The following SH3RF2 variants were observed in gnomAD, a reference collection of about 807,000 sequenced individuals.
SH3RF2 encodes SH3 domain containing ring finger 2, also known as E3 ubiquitin-protein ligase SH3RF2.
Under a neutral mutation model 59.0 loss-of-function variants are expected in SH3RF2, and 43 were observed. That is an observed-to-expected ratio of 0.73 (90% CI 0.57 to 0.94). The LOEUF (loss-of-function observed/expected upper bound fraction) is 0.94, where lower values mean the gene tolerates loss of function less well. SH3RF2 is among the 40% of genes least tolerant of loss of function. SH3RF2 has a pLI of 0.00. For synonymous variants in SH3RF2, 391 were observed against 391.5 expected (o/e 1.00, Z 0.01); for missense variants, 930 against 940.1 (o/e 0.99, Z 0.14).
intron 4 of SH3RF2, among the ~76,000 whole-genome samples, chr5:146,005,591 ATCT>A (rs1308237482): frequency 5.9e-4 from 90 of 152,264 alleles, no homozygotes; most frequent in African/African-American, 2.1e-3. Context: ...AGAGAGGCTG[ATCT>A]TCTTATTGTC....
intron 5 of SH3RF2, among the ~76,000 whole-genome samples, chr5:146,028,563 T>G (rs1402640815): frequency 6.6e-6 from 1 of 151,706 alleles, no homozygotes; most frequent in Admixed American, 6.6e-5. Context: ...TTTAGCGGCA[T>G]CCCCGGCCCC....
chr5:145,948,248 T>A (rs1324151931), intron 2 of SH3RF2, among the ~76,000 whole-genome samples: 1 of 152,214 alleles, frequency 6.6e-6, no homozygotes, highest in African/African-American at 2.4e-5. Context: ...TGATTACACA[T>A]CAAAATTTAT....
intron 5 of SH3RF2, among the ~76,000 whole-genome samples, chr5:146,046,111 T>C (rs1392074274): frequency 6.6e-6 from 1 of 152,232 alleles, no homozygotes; most frequent in East Asian, 1.9e-4. Context: ...AATTACGTGG[T>C]GGGCATACTC....
chr5:146,025,381 G>A (rs1052234126), intron 5 of SH3RF2, among the ~76,000 whole-genome samples: 4 of 152,184 alleles, frequency 2.6e-5, no homozygotes, highest in African/African-American at 7.2e-5. Context: ...TGCCACTGCC[G>A]TAGGCTGGCC....
chr5:146,056,189 A>G lies in SH3RF2; in HGVS notation c.1531A>G (p.Lys511Glu), dbSNP rs1762662751. ...GACTTTAGGACAAGGGTCTCTTCGG[A>G]AAGGGCGGAGCAGCATGAGAAAGAG... is the stretch of plus-strand genomic sequence containing the variant. ...PGTLGQGSLRKGRSSMRKNGS... is the reference protein window; with the variant it reads ...PGTLGQGSLREGRSSMRKNGS... Residue 511 changes from lysine to glutamate, a missense_variant, in exon 8 of 10, where the codon AAA (lysine) becomes GAA (glutamate). Coordinates refer to ENST00000359120, the MANE Select transcript of SH3RF2 (RefSeq NM_152550.4). 6.2e-7 allele frequency: 1 copy of G among 1,614,072 alleles called. No individual in the cohort carries two copies. The highest frequency in any genetic ancestry group is 8.5e-7 in the Non-Finnish European group (1 of 1,180,042).
intron 2 of SH3RF2, among the ~76,000 whole-genome samples, chr5:145,947,525 C>T (rs550811850): frequency 6.6e-6 from 1 of 152,278 alleles, no homozygotes; most frequent in Non-Finnish European, 1.5e-5. Flanking sequence ...TAGCTATCTC[C>T]TTGTACTCCT....
chr5:145,938,325 G>A lies in SH3RF2; in HGVS notation c.378+19G>A, dbSNP rs912543185. 1 of 1,510,882 alleles carries A rather than the reference G, an allele frequency of 6.6e-7. No individual in the cohort carries two copies. The highest frequency in any genetic ancestry group is 1.4e-5 in the African/African-American group (1 of 72,028). 93.6% of individuals were successfully genotyped at this position (1,510,882 alleles called of 1,614,324 possible). A position where few individuals can be genotyped will look rare whatever the true frequency, so the allele number is the denominator to read the frequency against. ...GGATGGGGTAAGAGAGATCTTATTT[G>A]CTAATATCATGTCCACATAGAGGTT... On this transcript the variant is annotated intron_variant, in intron 2 of 9. Coordinates refer to ENST00000359120, the MANE Select transcript of SH3RF2 (RefSeq NM_152550.4).
chr5:145,981,827 G>A (rs1336377146), intron 2 of SH3RF2, among the ~76,000 whole-genome samples: 4 of 152,196 alleles, frequency 2.6e-5, no homozygotes, highest in Non-Finnish European at 5.9e-5. Flanking sequence ...GTATTGGACA[G>A]CATAGAATAG....
chr5:145,950,797 T>C (rs969863296), intron 2 of SH3RF2, among the ~76,000 whole-genome samples: 4 of 152,192 alleles, frequency 2.6e-5, no homozygotes, highest in African/African-American at 9.7e-5. Context: ...ATATATTTCA[T>C]TCCTAACAGA....
At chr5:145,969,529 G>T (rs1019376117) in intron 2 of SH3RF2, among the ~76,000 whole-genome samples, 2 of 152,100 alleles carry the variant, frequency 1.3e-5, no homozygotes, top group African/African-American at 4.8e-5. Context: ...TTGTCTGCTT[G>T]GTTTATGTAA....
At chr5:146,021,712 C>T (rs1484440005) in intron 5 of SH3RF2, among the ~76,000 whole-genome samples, 1 of 150,590 alleles carries the variant, frequency 6.6e-6, no homozygotes, top group Non-Finnish European at 1.5e-5. Flanking sequence ...TCCCACCTCT[C>T]TCTCTATTTT....
At chr5:145,941,659 T>C (rs72652828) in intron 2 of SH3RF2, among the ~76,000 whole-genome samples, 15,227 of 152,248 alleles carry the variant, frequency 0.1, 1,085 homozygotes, top group East Asian at 0.26. Context: ...AGAGAAGTTA[T>C]GAATCTGTGG....
intron 5 of SH3RF2, 78 bp downstream of exon 5, chr5:146,014,139 T>A: frequency 6.7e-7 from 1 of 1,494,132 alleles, no homozygotes; most frequent in South Asian, 1.2e-5. Context: ...CAATATTTGA[T>A]GTTTAGTACT....
chr5:145,970,261 C>A (rs953358132), intron 2 of SH3RF2, among the ~76,000 whole-genome samples: 1 of 151,904 alleles, frequency 6.6e-6, no homozygotes, highest in Admixed American at 6.6e-5. Flanking sequence ...GTTTTTTATC[C>A]TTCACCTCCC....
intron 5 of SH3RF2, among the ~76,000 whole-genome samples, chr5:146,022,934 A>G (rs1761386339): frequency 6.6e-6 from 1 of 151,544 alleles, no homozygotes; most frequent in Non-Finnish European, 1.5e-5. Flanking sequence ...ATTCCTTAAA[A>G]ACATTAAATA....
chr5:146,063,472 T>C (rs1326026064), downstream of SH3RF2, among the ~76,000 whole-genome samples: 1 of 152,228 alleles, frequency 6.6e-6, no homozygotes, highest in Non-Finnish European at 1.5e-5. Context: ...AATTAATTCA[T>C]CCTGGCTCTA....
chr5:145,992,191 G>T (rs1397186466), intron 2 of SH3RF2, among the ~76,000 whole-genome samples: 1 of 152,018 alleles, frequency 6.6e-6, no homozygotes, highest in Non-Finnish European at 1.5e-5. Flanking sequence ...GAACAACATG[G>T]TGAAACCCCG....
chr5:146,000,392 C>T, intron 3 of SH3RF2, 65 bp downstream of exon 3: 2 of 1,425,156 alleles, frequency 1.4e-6, no homozygotes, highest in South Asian at 1.6e-5. Context: ...GAACAGAGTT[C>T]CTTGTTTAAT....
At chr5:146,060,790 T>A (rs762940872) in intron 9 of SH3RF2, among the ~76,000 whole-genome samples, 2 of 152,232 alleles carry the variant, frequency 1.3e-5, no homozygotes, top group African/African-American at 4.8e-5. Flanking sequence ...TGACTCCAAC[T>A]ACCTTATTGT....
Sources: gnomAD v4.1 joint callset for allele counts (sites outside exome capture counted in the v4.1 genomes callset) on GRCh38, gnomAD v4.1.1 for gene constraint, MANE v1.5 for transcripts, NCBI Gene and HGNC (gene_info 2026-07-23, HGNC 2026-07-21) for gene names.